The following MBP variants were observed in gnomAD, a reference collection of about 807,000 sequenced individuals.
MBP encodes myelin basic protein, also known as Golli-MBP.
A neutral mutation model predicts 35.8 loss-of-function variants in MBP; 16 were observed. The ratio of observed to expected loss-of-function variants is 0.45; its 90% confidence interval spans 0.30 to 0.68. The LOEUF (loss-of-function observed/expected upper bound fraction) is 0.68. Ranked by LOEUF, MBP falls within the 30% of genes least tolerant of loss-of-function variation. The pLI is 0.08. For missense variants in MBP, 380 were observed against 404.7 expected (o/e 0.94, Z 0.52); for synonymous variants, 143 against 159.6 (o/e 0.90, Z 0.78).
chr18:76,997,859 T>G (rs1970385530), intron 4 of MBP, among the ~76,000 whole-genome samples: 2 of 152,020 alleles, frequency 1.3e-5, no homozygotes, highest in Admixed American at 6.6e-5. Context: ...TTTTTTTGTA[T>G]TTTTAGTAGA....
At chr18:77,079,421 C>T (rs1382847890) in intron 2 of MBP, among the ~76,000 whole-genome samples, 2 of 152,152 alleles carry the variant, frequency 1.3e-5, no homozygotes, top group Non-Finnish European at 2.9e-5. Context: ...AAGTCAGTTT[C>T]TCACCAGGAC....
chr18:77,098,418 T>G (rs879675607), intron 2 of MBP, among the ~76,000 whole-genome samples: 1 of 152,188 alleles, frequency 6.6e-6, no homozygotes, highest in South Asian at 2.1e-4. Context: ...CACTGTCCTA[T>G]GCAGAGTGGG....
rs566653403 is a variant in MBP, at chr18:77,101,445, C to T, written c.51+3766G>A. 1.2e-4 allele frequency among the ~76,000 whole-genome samples: 19 copies of T among 152,338 alleles called. No homozygotes were observed. The highest frequency in any genetic ancestry group is 2.1e-4 in the South Asian group (1 of 4,826). Reference sequence around the variant, plus strand: ...GAAGGAGCGCTGTGCCCTGAACCTGCGCCTGCCTGGAGGAAGTTACACTCC... The same window carrying T: ...GAAGGAGCGCTGTGCCCTGAACCTGTGCCTGCCTGGAGGAAGTTACACTCC... On this transcript the variant is annotated intron_variant, in intron 2 of 8. Transcript: ENST00000355994. This position sits in a 1 kb window ranked among gnomAD's most constrained non-coding sequence, Gnocchi z 4.3.
At chr18:77,004,431 T>G (rs1430078358) in intron 4 of MBP, 2 of 152,204 alleles carry the variant, frequency 1.3e-5, no homozygotes, top group Non-Finnish European at 2.9e-5. Flanking sequence ...TCTGTCTGAA[T>G]GACAGATGCA....
At chr18:77,005,523 A>T (rs924484082) in intron 4 of MBP, 23 of 152,224 alleles carry the variant, frequency 1.5e-4, no homozygotes, top group Admixed American at 1.5e-3. Flanking sequence ...CTGTTTCCCA[A>T]ACGCAGATGA....
intron 1 of MBP, among the ~76,000 whole-genome samples, chr18:77,110,901 T>G (rs960186459): frequency 2.0e-5 from 3 of 152,226 alleles, no homozygotes; most frequent in Admixed American, 2.0e-4. Flanking sequence ...TAGTAGAATT[T>G]GAAGAGCCCA....
intron 4 of MBP, chr18:77,015,653 C>T (rs1270696968): frequency 1.0e-6 from 1 of 985,458 alleles, no homozygotes; most frequent in Non-Finnish European, 1.2e-6. Context: ...TAACAGTTGC[C>T]TGAAACTTCG....
chr18:77,115,805 C>T (rs1976641094), intron 1 of MBP: 1 of 152,110 alleles, frequency 6.6e-6, no homozygotes, highest in African/African-American at 2.4e-5. Context: ...CCCACGTCTT[C>T]ACATGGGTGT....
At chr18:77,039,578 G>A (rs566562607) in intron 3 of MBP, among the ~76,000 whole-genome samples, 37 of 152,290 alleles carry the variant, frequency 2.4e-4, no homozygotes, top group African/African-American at 7.9e-4. Flanking sequence ...CATACCCAAG[G>A]GCCACCCTAG....
At chr18:77,067,893 C>T (rs780894676) in intron 2 of MBP, 5 of 493,876 alleles carry the variant, frequency 1.0e-5, no homozygotes, top group Admixed American at 4.2e-5. Context: ...CCTAGTGTGA[C>T]TCACTTATGT....
chr18:77,018,908 CCAT>C (rs1971844010), intron 3 of MBP, among the ~76,000 whole-genome samples: 1 of 139,766 alleles, frequency 7.2e-6, no homozygotes, highest in Non-Finnish European at 1.5e-5. Flanking sequence ...ATCCATCCAT[CCAT>C]CCACTCATGT....
At chr18:77,096,659 G>A (rs562728845) in intron 2 of MBP, among the ~76,000 whole-genome samples, 1 of 152,210 alleles carries the variant, frequency 6.6e-6, no homozygotes, top group South Asian at 2.1e-4. Flanking sequence ...CTGATATGAC[G>A]ACCAGGGAAA....
At chr18:77,084,020 T>TTA (rs59111832) in intron 2 of MBP, among the ~76,000 whole-genome samples, 1 of 148,722 alleles carries the variant, frequency 6.7e-6, no homozygotes, top group African/African-American at 2.5e-5. Flanking sequence ...TTTTTTTTTT[T>TTA]AAAAAACCCA....
chr18:77,064,116 C>T (rs552813757), intron 3 of MBP, among the ~76,000 whole-genome samples: 37 of 152,228 alleles, frequency 2.4e-4, no homozygotes, highest in African/African-American at 4.6e-4. Flanking sequence ...TTTTCTATTA[C>T]GTCTTTATAT....
In MBP at chr18:76,990,003, C is replaced by T. The variant is rs896012187; in HGVS notation, c.634G>A (p.Gly212Ser). The change falls in exon 5 of 9, where the codon GGC becomes AGC. Residue 212 changes from glycine to serine, a missense_variant. Transcript: ENST00000355994. ...ACGGGGTTTTCATCTTGGGTCCGGCCGTGTGACTTCTGGGGCAGGGAGCCG... is the reference window on the plus strand; with the variant it reads ...ACGGGGTTTTCATCTTGGGTCCGGCTGTGTGACTTCTGGGGCAGGGAGCCG... ...HYGSLPQKSH[G>S]RTQDENPVVH... 3.1e-6 allele frequency: 5 copies of T among 1,612,766 alleles called. No individual in the cohort carries two copies. The highest frequency in any genetic ancestry group is 1.7e-5 in the Admixed American group (1 of 60,000).
At chr18:77,073,650 C>G (rs1974538459) in intron 2 of MBP, among the ~76,000 whole-genome samples, 1 of 152,216 alleles carries the variant, frequency 6.6e-6, no homozygotes, top group Admixed American at 6.5e-5. Context: ...GACACTCTCT[C>G]TATCTTCCTA....
rs1179030412 is a variant in MBP, at chr18:77,132,648, G to C, written c.-94C>G. 6.6e-6 allele frequency: 1 copy of C among 152,172 alleles called. No homozygotes were observed. Among genetic ancestry groups the C allele is most frequent in the Admixed American group, 6.5e-5 (1 of 15,278 alleles). 9.4% of individuals were successfully genotyped at this position (152,172 alleles called of 1,614,324 possible). On this transcript the variant is annotated 5_prime_UTR_variant, in exon 1 of 9. Transcript: ENST00000355994. The stretch of plus-strand genomic sequence containing the variant: ...TCCAAGGCCCTGCTCCGCCTGCCCA[G>C]GCCCGGGCAGGCTGGTCTCGGCTTC...
At position 77,102,384 on chromosome 18, in the gene MBP, T is replaced by C. The variant is rs1243234197; in HGVS notation, c.51+2827A>G. Among the ~76,000 whole-genome samples, 1 of 152,206 alleles carries C rather than the reference T, an allele frequency of 6.6e-6. No homozygotes were observed. The highest frequency in any genetic ancestry group is 1.5e-5 in the Non-Finnish European group (1 of 68,030). ...GTAGGTGACACGGCTGGAGCTCATG[T>C]CACGTTTTCTTTTGTGATTCAAGTT... is the stretch of plus-strand genomic sequence containing the variant. On this transcript the variant is annotated intron_variant, in intron 2 of 8. Coordinates refer to ENST00000355994, the MANE Select transcript of MBP (RefSeq NM_001025101.2). This position sits in a 1 kb window ranked among gnomAD's most constrained non-coding sequence, Gnocchi z 4.4.
At chr18:76,985,660 G>C (rs894488210) in intron 7 of MBP, 8 of 1,056,216 alleles carry the variant, frequency 7.6e-6, no homozygotes, top group Non-Finnish European at 9.2e-6. Flanking sequence ...GCGGGACAGC[G>C]TCTCAGCTCC....
Sources: allele counts gnomAD v4.1 joint callset (sites outside exome capture counted in the v4.1 genomes callset), GRCh38; gene constraint gnomAD v4.1.1; non-coding constraint Gnocchi (gnomAD v3.1); transcripts MANE v1.5; gene names NCBI Gene and HGNC (gene_info 2026-07-23, HGNC 2026-07-21).